The following CCDC60 variants were observed in gnomAD, a reference collection of about 807,000 sequenced individuals.
The protein encoded by CCDC60 is coiled-coil domain-containing protein 60.
Under a neutral mutation model 63.5 loss-of-function variants are expected in CCDC60, and 54 were observed. The ratio of observed to expected loss-of-function variants is 0.85; its 90% confidence interval spans 0.68 to 1.07. CCDC60 has a LOEUF of 1.07. Ranked by LOEUF, CCDC60 falls within the 50% of genes least tolerant of loss-of-function variation. CCDC60 has a pLI of 0.00. For missense variants in CCDC60, 651 were observed against 684.3 expected (o/e 0.95, Z 0.54); for synonymous variants, 206 against 238.8 (o/e 0.86, Z 1.27).
intron 11 of CCDC60, 112 bp downstream of exon 11, chr12:119,523,930 C>G (rs1223782365): frequency 8.6e-7 from 1 of 1,157,430 alleles, no homozygotes; most frequent in African/African-American, 1.5e-5. Flanking sequence ...AACTTGTTCT[C>G]TGTCCTCAGG....
chr12:119,499,803 G>A (rs895266957), intron 5 of CCDC60, among the ~76,000 whole-genome samples: 3 of 152,096 alleles, frequency 2.0e-5, no homozygotes, highest in Admixed American at 1.3e-4. Flanking sequence ...GGAGAGGACC[G>A]AGTCTAAAAT....
chr12:119,500,720 G>A (rs1311659842), intron 6 of CCDC60, among the ~76,000 whole-genome samples: 1 of 152,100 alleles, frequency 6.6e-6, no homozygotes, highest in African/African-American at 2.4e-5. Flanking sequence ...TGGGCATAGT[G>A]GTGTGCACCT....
intron 1 of CCDC60, among the ~76,000 whole-genome samples, chr12:119,344,308 G>T (rs1955564475): frequency 1.3e-5 from 2 of 152,102 alleles, no homozygotes; most frequent in Admixed American, 1.3e-4. Context: ...CTAAAGTCTT[G>T]ACTACCCTTC....
chr12:119,463,061 T>C (rs553813615), intron 2 of CCDC60, among the ~76,000 whole-genome samples: 3 of 152,286 alleles, frequency 2.0e-5, no homozygotes, highest in African/African-American at 7.2e-5. Flanking sequence ...TGACCTCAAG[T>C]GATCCACCCG....
At chr12:119,336,292 G>A (rs1338514928) in intron 1 of CCDC60, among the ~76,000 whole-genome samples, 4 of 152,140 alleles carry the variant, frequency 2.6e-5, no homozygotes, top group Admixed American at 6.6e-5. Context: ...GAGAGGGAGA[G>A]AGAGGAGAGT....
intron 2 of CCDC60, among the ~76,000 whole-genome samples, chr12:119,463,815 A>T (rs778789361): frequency 6.6e-6 from 1 of 152,244 alleles, no homozygotes; most frequent in Non-Finnish European, 1.5e-5. Context: ...CTGAGTTATT[A>T]GAAATGAGCT....
intron 1 of CCDC60, among the ~76,000 whole-genome samples, chr12:119,396,136 C>T (rs1185522668): frequency 6.6e-6 from 1 of 152,154 alleles, no homozygotes; most frequent in South Asian, 2.1e-4. Flanking sequence ...CTGAGTCTCA[C>T]CATGTTGGCC....
At chr12:119,377,269 AAAAAAAAAAAG>A (rs1955961808) in intron 1 of CCDC60, among the ~76,000 whole-genome samples, 1 of 148,970 alleles carries the variant, frequency 6.7e-6, no homozygotes, top group Non-Finnish European at 1.5e-5. Context: ...AAAAAAAAAA[AAAAAAAAAAAG>A]AAAAAGAAAG....
chr12:119,513,208 G>A (rs927896946), intron 7 of CCDC60, among the ~76,000 whole-genome samples: 19 of 152,270 alleles, frequency 1.2e-4, no homozygotes, highest in South Asian at 1.2e-3. Flanking sequence ...CATAAGACAG[G>A]ACCATTCACT....
intron 1 of CCDC60, among the ~76,000 whole-genome samples, chr12:119,408,157 G>T (rs4274249): frequency 0.013 from 1,997 of 152,300 alleles, 13 homozygotes; most frequent in Non-Finnish European, 0.022. Context: ...GAAAGTAAAT[G>T]AGTTTATGTA....
chr12:119,379,838 C>A (rs181041858), intron 1 of CCDC60, among the ~76,000 whole-genome samples: 149 of 152,314 alleles, frequency 9.8e-4, no homozygotes, highest in African/African-American at 3.3e-3. Context: ...AGCCTCAACA[C>A]CCTGCTTGGA....
chr12:119,483,176 G>A (rs1277551365), intron 4 of CCDC60, among the ~76,000 whole-genome samples: 1 of 152,170 alleles, frequency 6.6e-6, no homozygotes, highest in Admixed American at 6.5e-5. Context: ...TTGTTGGGGG[G>A]AAGCAGCAAA....
rs775439574 is a variant in CCDC60 at position 119,479,137 on chromosome 12, A to C, written c.385A>C (p.Thr129Pro). 1.5e-5 allele frequency: 24 copies of C among 1,613,948 alleles called. No individual in the cohort carries two copies. The South Asian group carries it at 2.5e-4, about 17-fold the overall frequency. Reference sequence around the variant, plus strand: ...GTTGAAGACACTGGGAGCTAGAGTCACACGTCGCCCATTCACTCCCATCCA... The same window carrying C: ...GTTGAAGACACTGGGAGCTAGAGTCCCACGTCGCCCATTCACTCCCATCCA... ...EKLKTLGARV[T>P]RRPFTPIHSC... The change falls in exon 4 of 14, where the codon ACA (threonine) becomes CCA (proline). Residue 129 changes from threonine to proline, a missense_variant. Physicochemically the swap from Thr to Pro is conservative, Grantham distance 38. Coordinates refer to ENST00000327554, the MANE Select transcript of CCDC60 (RefSeq NM_178499.5).
intron 1 of CCDC60, among the ~76,000 whole-genome samples, chr12:119,382,033 A>G (rs187116978): frequency 1.3e-5 from 2 of 152,302 alleles, no homozygotes; most frequent in Non-Finnish European, 2.9e-5. Context: ...TGCTTGAGAG[A>G]GAGAGATAAG....
chr12:119,505,038 C>G, intron 6 of CCDC60, 31 bp from the exon 7 acceptor site: 1 of 1,518,842 alleles, frequency 6.6e-7, no homozygotes, highest in East Asian at 2.3e-5. Flanking sequence ...CCCCTCCTTC[C>G]TGAAACCTCT....
chr12:119,478,046 T>C (rs1047201481), intron 3 of CCDC60, among the ~76,000 whole-genome samples: 1 of 152,054 alleles, frequency 6.6e-6, no homozygotes, highest in Non-Finnish European at 1.5e-5. Context: ...AGGTGCAATG[T>C]CTCACGCCTG....
intron 2 of CCDC60, among the ~76,000 whole-genome samples, chr12:119,460,025 A>AC (rs1182998228): frequency 2.0e-5 from 3 of 152,184 alleles, no homozygotes; most frequent in Admixed American, 6.5e-5. Flanking sequence ...ACAAGCTCTC[A>AC]CGTGATGCTG....
chr12:119,376,791 T>C (rs890374032), intron 1 of CCDC60, among the ~76,000 whole-genome samples: 1 of 152,144 alleles, frequency 6.6e-6, no homozygotes. Context: ...GGCTACTTTA[T>C]AGGCAATGGT....
chr12:119,390,639 T>C (rs1442139714), intron 1 of CCDC60, among the ~76,000 whole-genome samples: 1 of 152,184 alleles, frequency 6.6e-6, no homozygotes, highest in East Asian at 1.9e-4. Flanking sequence ...GCTCTCTGCT[T>C]TTCAAATTCT....
Sources: gnomAD v4.1 joint callset for allele counts (sites outside exome capture counted in the v4.1 genomes callset) on GRCh38, gnomAD v4.1.1 for gene constraint, MANE v1.5 for transcripts, NCBI Gene and HGNC (gene_info 2026-07-23, HGNC 2026-07-21) for gene names.